RNF114: variants seen among roughly 807,000 people sequenced by gnomAD.
RNF114 encodes the protein ring finger protein 114, also known as E3 ubiquitin-protein ligase RNF114.
In RNF114, 6 loss-of-function variants were observed where a neutral mutation model predicts 28.4. The observed-to-expected ratio is 0.21, with a 90% CI of 0.12 to 0.42. RNF114 has a LOEUF of 0.42. Among genes scored for constraint, RNF114 ranks in the 10% least tolerant of loss-of-function variants. RNF114 has a pLI of 1.00. For missense variants in RNF114, 249 were observed against 311.7 expected, an observed-to-expected ratio of 0.80 and a Z score of 1.51; for synonymous variants, 115 against 116.7, an observed-to-expected ratio of 0.99 and a Z score of 0.09.
At chr20:49,945,555 C>T in intron 3 of RNF114, 67 bp downstream of exon 3, 3 of 945,420 alleles carry the variant, frequency 3.2e-6, no homozygotes, top group South Asian at 1.3e-5. Flanking sequence ...GGTTGCATGC[C>T]CAGGGGTTTA....
intron 2 of RNF114, chr20:49,943,794 G>A (rs1208434729): frequency 6.9e-6 from 1 of 143,994 alleles, no homozygotes; most frequent in Non-Finnish European, 1.5e-5. Flanking sequence ...GAGTAGCTGG[G>A]ACTACAGGTG....
At chr20:49,938,032 G>T (rs1485075160) in intron 1 of RNF114, among the ~76,000 whole-genome samples, 4 of 152,178 alleles carry the variant, frequency 2.6e-5, no homozygotes, top group Non-Finnish European at 4.4e-5. Flanking sequence ...ACCTCTGTGC[G>T]TGGGGTGAGT....
intron 1 of RNF114, among the ~76,000 whole-genome samples, chr20:49,938,661 C>G (rs2090296279): frequency 6.6e-6 from 1 of 152,096 alleles, no homozygotes; most frequent in South Asian, 2.1e-4. Flanking sequence ...GAAGGCTGAA[C>G]TAGAAAAGGG....
intron 5 of RNF114, 64 bp from the exon 6 acceptor site, chr20:49,952,012 A>G (rs1354827986): frequency 7.7e-7 from 1 of 1,295,968 alleles, no homozygotes; most frequent in African/African-American, 1.4e-5. Context: ...TCCTGCTTCT[A>G]CTGAAAGCCA....
intron 1 of RNF114, among the ~76,000 whole-genome samples, chr20:49,937,394 C>T (rs2090291625): frequency 6.6e-6 from 1 of 152,178 alleles, no homozygotes; most frequent in Admixed American, 6.6e-5. Context: ...CAGTGCTTAT[C>T]GTGGGATCAC....
At chr20:49,942,836 A>AG (rs2090312972) in intron 2 of RNF114, among the ~76,000 whole-genome samples, 1 of 152,208 alleles carries the variant, frequency 6.6e-6, no homozygotes, top group Non-Finnish European at 1.5e-5. Context: ...GGAAAAAAAA[A>AG]GTGATTTAAT....
At chr20:49,943,007 C>A (rs2090313743) in intron 2 of RNF114, among the ~76,000 whole-genome samples, 1 of 25,752 alleles carries the variant, frequency 3.9e-5, no homozygotes, top group Admixed American at 4.7e-4. Context: ...CTTTTTTTTT[C>A]CACTTTTCAG....
chr20:49,948,577 AC>A (rs1019822549), intron 4 of RNF114, among the ~76,000 whole-genome samples: 4 of 152,048 alleles, frequency 2.6e-5, no homozygotes, highest in African/African-American at 4.8e-5. Context: ...AGCTGGGACT[AC>A]AGGCGTGTGC....
intron 2 of RNF114, 31 bp from the exon 3 acceptor site, chr20:49,945,351 A>T: frequency 6.9e-7 from 1 of 1,455,524 alleles, no homozygotes; most frequent in Non-Finnish European, 9.7e-7. Flanking sequence ...GGTCCTCACT[A>T]ACTTATGGGC....
Position 49,952,226 on chromosome 20 carries a change from C to A in RNF114, c.*85C>A. 8.3e-7 allele frequency: 1 copy of A among 1,208,974 alleles called. No homozygotes were observed. Among genetic ancestry groups the A allele is most frequent in the Non-Finnish European group, 1.2e-6 (1 of 811,948 alleles). The allele number at this position is 1,208,974 out of a possible 1,614,324, so 74.9% of individuals were successfully genotyped here. On this transcript the variant is annotated 3_prime_UTR_variant, in exon 6 of 6. Transcript: ENST00000244061. ...GAAATCTATGACTCCTGTACCTTAC[C>A]TGTTCAACAGACCTGAAAATGAGCC...
chr20:49,949,390 G>T (rs367754653), intron 5 of RNF114, 35 bp downstream of exon 5: 5 of 1,543,452 alleles, frequency 3.2e-6, no homozygotes, highest in South Asian at 2.2e-5. Flanking sequence ...TCCCTCCCCT[G>T]GGGGAGTGGC....
intron 1 of RNF114, among the ~76,000 whole-genome samples, chr20:49,938,916 G>A (rs2090297109): frequency 6.6e-6 from 1 of 152,210 alleles, no homozygotes; most frequent in Non-Finnish European, 1.5e-5. Context: ...CTGCCTTTGT[G>A]AACAGGCAAC....
intron 1 of RNF114, among the ~76,000 whole-genome samples, chr20:49,939,931 G>A (rs1012080567): frequency 1.3e-5 from 2 of 151,432 alleles, no homozygotes; most frequent in South Asian, 2.1e-4. Flanking sequence ...ATGCGCGCCT[G>A]TAACCCCAGC....
At chr20:49,936,645 G>A in intron 1 of RNF114, 93 bp downstream of exon 1, 1 of 1,473,276 alleles carries the variant, frequency 6.8e-7, no homozygotes, top group South Asian at 1.3e-5. Context: ...GGAGCCAGAG[G>A]ACCCACCCAG....
At position 49,936,403 on chromosome 20, in the gene RNF114, C is replaced by T. The variant is rs1292004690; in HGVS notation, c.-10C>T. On this transcript the variant is annotated 5_prime_UTR_variant, in exon 1 of 6. Transcript: ENST00000244061. ...TCGGCCGCCGTTGCGCGGCGCAGAG[C>T]GGCAGCAAGATGGCGGCGCAACAGC... 4.7e-6 allele frequency: 7 copies of T among 1,497,450 alleles called. No individual in the cohort carries two copies. The highest frequency in any genetic ancestry group is 4.5e-6 in the Non-Finnish European group (5 of 1,122,928). The allele number at this position is 1,497,450 out of a possible 1,614,324, so 92.8% of individuals were successfully genotyped here.
chr20:49,941,742 T>C (rs776424061), intron 2 of RNF114, 31 bp downstream of exon 2: 1 of 1,600,234 alleles, frequency 6.2e-7, no homozygotes, highest in Non-Finnish European at 8.5e-7. Flanking sequence ...AGAGTCCATG[T>C]CTTTCCATGA....
chr20:49,952,000 T>TGTCCTGCTTCGGATCCAGTTGCTAGGCC, intron 5 of RNF114, 76 bp from the exon 6 acceptor site: 1 of 1,272,258 alleles, frequency 7.9e-7, no homozygotes, highest in South Asian at 1.2e-5. Context: ...GTTGCTAGGC[T>TGTCCTGCTTCGGATCCAGTTGCTAGGCC]GTCCTGCTTC....
Position 49,946,139 on chromosome 20 carries a change from T to C in RNF114, c.402T>C (p.Asn134=). 1.3e-6 allele frequency: 2 copies of C among 1,579,698 alleles called. No individual in the cohort carries two copies. The highest frequency in any genetic ancestry group is 1.7e-6 in the Non-Finnish European group (2 of 1,163,344). ...TTTCCTGTGTTTCACCTTCCAGGAATGTTCCAAACCGTTACACCTTTCCTT... is the reference window on the plus strand; with the variant it reads ...TTTCCTGTGTTTCACCTTCCAGGAACGTTCCAAACCGTTACACCTTTCCTT... The part of the protein sequence containing the change: ...TIKDASLQPR[N]VPNRYTFPCP... Residue 134 remains asparagine (N), a synonymous_variant, in exon 4 of 6, where the codon AAT becomes AAC. Transcript: ENST00000244061.
At chr20:49,950,599 C>T (rs2090351495) in intron 5 of RNF114, among the ~76,000 whole-genome samples, 1 of 148,700 alleles carries the variant, frequency 6.7e-6, no homozygotes, top group African/African-American at 2.5e-5. Flanking sequence ...AGGAGGATCT[C>T]TTGAGCCCAA....
Sources: allele counts gnomAD v4.1 joint callset (sites outside exome capture counted in the v4.1 genomes callset), GRCh38; gene constraint gnomAD v4.1.1; transcripts MANE v1.5; gene names NCBI Gene and HGNC (gene_info 2026-07-23, HGNC 2026-07-21).